The following TFAP2D variants were observed in gnomAD, a reference collection of about 807,000 sequenced individuals.
TFAP2D encodes transcription factor AP-2 delta.
Under a neutral mutation model 43.6 loss-of-function variants are expected in TFAP2D, and 9 were observed. That is an observed-to-expected ratio of 0.21 (90% CI 0.12 to 0.36). The LOEUF (loss-of-function observed/expected upper bound fraction) is 0.36, where lower values mean the gene tolerates loss of function less well. Among genes scored for constraint, TFAP2D ranks in the 10% least tolerant of loss-of-function variants. The pLI, the probability that TFAP2D is intolerant of heterozygous loss-of-function variation, is 1.00. For synonymous variants in TFAP2D, 256 were observed against 224.9 expected (o/e 1.14, Z -1.24); for missense variants, 513 against 561.4 (o/e 0.91, Z 0.87).
In TFAP2D at chr6:50,714,103, ACT is replaced by A. The variant is rs1768573165; in HGVS notation, c.39+10_39+11del. On this transcript the variant is annotated intron_variant, in intron 1 of 7. Coordinates refer to ENST00000008391, the MANE Select transcript of TFAP2D (RefSeq NM_172238.4). ...TAGTCCACGATGCCGAGGTATTATT[ACT>A]TTTTTTTTTTTTTTTTTTTGAGCGC... The A allele has an allele frequency of 3.4e-6, 5 of 1,474,226 alleles. No individual in the cohort carries two copies. The African/African-American group carries it at 4.8e-5, about 14-fold the overall frequency. 91.3% of individuals were successfully genotyped at this position (1,474,226 alleles called of 1,614,324 possible).
chr6:50,725,087 T>C (rs949090969), intron 3 of TFAP2D, among the ~76,000 whole-genome samples: 1 of 152,178 alleles, frequency 6.6e-6, no homozygotes, highest in African/African-American at 2.4e-5. Flanking sequence ...CTGCAGACAC[T>C]GGCCAGATGT....
intron 5 of TFAP2D, among the ~76,000 whole-genome samples, chr6:50,742,648 C>A (rs1331410103): frequency 6.6e-6 from 1 of 151,922 alleles, no homozygotes; most frequent in African/African-American, 2.4e-5. Flanking sequence ...TAGATAGACT[C>A]TGTTAAAATG....
intron 5 of TFAP2D, among the ~76,000 whole-genome samples, chr6:50,741,967 A>G (rs1009428434): frequency 6.6e-6 from 1 of 152,070 alleles, no homozygotes; most frequent in Non-Finnish European, 1.5e-5. Context: ...AGAGGAGCTC[A>G]TGGATTTTTA....
chr6:50,771,659 G>A (rs563192379), intron 7 of TFAP2D, among the ~76,000 whole-genome samples: 2 of 152,222 alleles, frequency 1.3e-5, no homozygotes, highest in East Asian at 3.9e-4. Flanking sequence ...TTTAGACTTG[G>A]TAATAATTAG....
At chr6:50,725,164 C>A (rs1015504030) in intron 3 of TFAP2D, among the ~76,000 whole-genome samples, 3 of 152,290 alleles carry the variant, frequency 2.0e-5, no homozygotes, top group African/African-American at 7.2e-5. Context: ...TAAGATCTAA[C>A]AAGATATGGC....
intron 3 of TFAP2D, among the ~76,000 whole-genome samples, chr6:50,719,443 CAGAG>C (rs1384935964): frequency 8.9e-6 from 1 of 112,936 alleles, no homozygotes; most frequent in Non-Finnish European, 1.8e-5. Flanking sequence ...AAGAAAAAGA[CAGAG>C]AGAAAGAAAG....
rs373579677 is a variant in TFAP2D at position 50,760,046 on chromosome 6, TA to T, written c.1139+8723del. Among the ~76,000 whole-genome samples the T allele has an allele frequency of 8.1e-3, 1,235 of 152,154 alleles. 14 individuals are homozygous for T. Among genetic ancestry groups the T allele is most frequent in the Non-Finnish European group, 0.011 (742 of 67,946 alleles). ...TTGGTTAAAGAAACCCTAATTATTA[TA>T]CCTATCTTGAAGTATGACAATGCAT... On this transcript the variant is annotated intron_variant, in intron 7 of 7. Transcript: ENST00000008391.
intron 5 of TFAP2D, among the ~76,000 whole-genome samples, chr6:50,742,577 G>GAT (rs1275191985): frequency 2.6e-4 from 3 of 11,510 alleles, no homozygotes; most frequent in African/African-American, 6.0e-4. Context: ...GACACACATA[G>GAT]ATAGATAGAT....
chr6:50,722,585 T>C (rs80057567), intron 3 of TFAP2D, among the ~76,000 whole-genome samples: 2,360 of 152,180 alleles, frequency 0.016, 25 homozygotes, highest in Non-Finnish European at 0.022. Context: ...TCCCTTTCAT[T>C]TCCTGCTCTG....
chr6:50,737,739 T>C (rs1015920109), intron 5 of TFAP2D, among the ~76,000 whole-genome samples: 5 of 152,174 alleles, frequency 3.3e-5, no homozygotes, highest in Admixed American at 2.0e-4. Context: ...TGCTTACAAG[T>C]TGTTTGTTCT....
At chr6:50,716,597 A>G (rs1377580074) in intron 2 of TFAP2D, among the ~76,000 whole-genome samples, 1 of 152,210 alleles carries the variant, frequency 6.6e-6, no homozygotes, top group Non-Finnish European at 1.5e-5. Flanking sequence ...TTTACCAAAG[A>G]TAGAATTTAT....
Position 50,745,229 on chromosome 6 carries a change from A to T in TFAP2D, c.1006A>T (p.Lys336Ter). ...MEQKEQTARK[K>*]MILATKQICK... is the part of the protein sequence containing the mutation. ...ACAGAAAGAACAGACAGCAAGAAAA[A>T]AGATGATCCTGGCGACCAAGTAAGC... The change falls in exon 6 of 8, where the codon AAG (lysine) becomes TAG (stop). Residue 336 changes from lysine to a stop codon, truncating the protein, a stop_gained. Coordinates refer to ENST00000008391, the MANE Select transcript of TFAP2D (RefSeq NM_172238.4). LOFTEE classifies it high-confidence loss of function. 2 of 1,613,632 alleles carry T rather than the reference A, an allele frequency of 1.2e-6. No homozygotes were observed. The highest frequency in any genetic ancestry group is 1.7e-6 in the Non-Finnish European group (2 of 1,179,712).
chr6:50,720,295 T>G (rs1768697310), intron 3 of TFAP2D, among the ~76,000 whole-genome samples: 1 of 152,204 alleles, frequency 6.6e-6, no homozygotes, highest in African/African-American at 2.4e-5. Flanking sequence ...AGAAATCAGT[T>G]GCTTCTTTCA....
In TFAP2D at chr6:50,713,938, C is replaced by T. The variant is rs1768569647; in HGVS notation, c.-118C>T. ...AAACCATTACAATTTAGATATCTAC[C>T]TATAGAACATTTTTTTTTTCCTTTA... On this transcript the variant is annotated 5_prime_UTR_variant, in exon 1 of 8. Coordinates refer to ENST00000008391, the MANE Select transcript of TFAP2D (RefSeq NM_172238.4). 1.4e-6 allele frequency: 2 copies of T among 1,442,594 alleles called. No homozygotes were observed. The highest frequency in any genetic ancestry group is 3.0e-5 in the African/African-American group (2 of 67,600). 89.4% of individuals were successfully genotyped at this position (1,442,594 alleles called of 1,614,324 possible). A position where few individuals can be genotyped will look rare whatever the true frequency, so the allele number is the denominator to read the frequency against.
intron 5 of TFAP2D, among the ~76,000 whole-genome samples, chr6:50,732,642 A>G (rs112231538): frequency 3.9e-4 from 60 of 152,178 alleles, no homozygotes; most frequent in East Asian, 1.5e-3. Flanking sequence ...TAGACTACCA[A>G]TGAAGGAATA....
chr6:50,714,180 A>T, intron 1 of TFAP2D, 86 bp downstream of exon 1: 1 of 1,353,510 alleles, frequency 7.4e-7, no homozygotes. Flanking sequence ...CGGCGGTGGC[A>T]GCCTCCCCTG....
intron 6 of TFAP2D, among the ~76,000 whole-genome samples, chr6:50,749,945 G>A (rs1769178821): frequency 6.6e-6 from 1 of 151,826 alleles, no homozygotes; most frequent in Non-Finnish European, 1.5e-5. Flanking sequence ...CCTGTGTTCT[G>A]CAAACATGAA....
chr6:50,752,880 T>TA (rs1769217449), intron 7 of TFAP2D, among the ~76,000 whole-genome samples: 1 of 151,884 alleles, frequency 6.6e-6, no homozygotes, highest in East Asian at 1.9e-4. Context: ...TTGTTTGGGG[T>TA]AACTTACCCA....
intron 7 of TFAP2D, among the ~76,000 whole-genome samples, chr6:50,756,773 A>T (rs1412250985): frequency 6.6e-6 from 1 of 152,032 alleles, no homozygotes; most frequent in African/African-American, 2.4e-5. Flanking sequence ...TTTGATTGAC[A>T]TCTGCAGAAG....
Sources: gnomAD v4.1 joint callset for allele counts (sites outside exome capture counted in the v4.1 genomes callset) on GRCh38, gnomAD v4.1.1 for gene constraint, MANE v1.5 for transcripts, NCBI Gene and HGNC (gene_info 2026-07-23, HGNC 2026-07-21) for gene names.